Variants in ARSF observed in about 807,000 individuals in gnomAD.
The protein encoded by ARSF is arylsulfatase F.
Under a neutral mutation model 35.4 loss-of-function variants are expected in ARSF, and 33 were observed. That is an observed-to-expected ratio of 0.93 (90% confidence interval 0.71 to 1.25). The LOEUF (loss-of-function observed/expected upper bound fraction) is 1.25, where lower values mean the gene tolerates loss of function less well. Ranked by LOEUF, ARSF falls within the 50% of genes most tolerant of loss-of-function variation. The pLI, the probability that ARSF is intolerant of heterozygous loss-of-function variation, is 0.00. For synonymous variants in ARSF, 222 were observed against 193.1 expected, an observed-to-expected ratio of 1.15 and a Z score of -1.24; for missense variants, 501 against 480.2, an observed-to-expected ratio of 1.04 and a Z score of -0.40.
intron 4 of ARSF, among the ~76,000 whole-genome samples, chrX:3,080,220 A>C (rs1426914968): frequency 9.1e-6 from 1 of 110,202 alleles, no homozygotes. Context: ...TCATGCCTGT[A>C]ATCCCAGCAC....
rs1202085983 is a variant in ARSF, at chrX:3,080,903, G to C, written c.296G>C (p.Ser99Thr). Residue 99 changes from serine to threonine, a missense_variant, in exon 5 of 11, where the codon AGT becomes ACT. By Grantham distance (58) the Ser-to-Thr change is moderately conservative (BLOSUM62 1). Coordinates refer to ENST00000381127, the MANE Select transcript of ARSF (RefSeq NM_001201539.2). ...ACACTACATCTAGGTATGGTTTCTAGTGGTAATAGACGTGTCATCCAAAAT... is the reference window on the plus strand; with the variant it reads ...ACACTACATCTAGGTATGGTTTCTACTGGTAATAGACGTGTCATCCAAAAT... ...RYPIRSGMVS[S>T]GNRRVIQNLA... The C allele has an allele frequency of 1.7e-6, 2 of 1,211,434 alleles. No individual in the cohort carries two copies. The highest frequency in any genetic ancestry group is 3.5e-5 in the African/African-American group (2 of 57,816).
At chrX:3,093,751 C>A (rs1256959960) in intron 7 of ARSF, among the ~76,000 whole-genome samples, 1 of 111,674 alleles carries the variant, frequency 9.0e-6, no homozygotes, top group Admixed American at 9.6e-5. Context: ...TGGGTAGACA[C>A]CCAGTAATGG....
At chrX:3,093,030 G>T (rs767448009) in intron 7 of ARSF, among the ~76,000 whole-genome samples, 3 of 110,846 alleles carry the variant, frequency 2.7e-5, no homozygotes, top group South Asian at 3.8e-4. Context: ...CACATCCGTG[G>T]TGGCGGGCGT....
At chrX:3,109,356 T>A (rs971863164) in intron 9 of ARSF, among the ~76,000 whole-genome samples, 9 of 111,762 alleles carry the variant, frequency 8.1e-5, no homozygotes, top group African/African-American at 2.9e-4. Flanking sequence ...ATCTGGGATG[T>A]ATTATTATGT....
At chrX:3,070,860 A>C (rs1181717880) in intron 2 of ARSF, among the ~76,000 whole-genome samples, 1 of 111,104 alleles carries the variant, frequency 9.0e-6, no homozygotes, top group African/African-American at 3.3e-5. Flanking sequence ...CTTCACTTAG[A>C]ATAATTGTCT....
intron 6 of ARSF, 34 bp from the exon 7 acceptor site, chrX:3,089,462 A>C: frequency 8.3e-7 from 1 of 1,205,089 alleles, no homozygotes; most frequent in Non-Finnish European, 1.1e-6. Flanking sequence ...TAGATATTGA[A>C]AACTCACAAG....
chrX:3,083,638 T>G (rs191168223), intron 5 of ARSF, among the ~76,000 whole-genome samples: 25 of 111,661 alleles, frequency 2.2e-4, no homozygotes, highest in Admixed American at 1.3e-3. Flanking sequence ...TCTCTATTTA[T>G]CTAGCTAGCT....
chrX:3,056,801 T>C (rs1454418911), intron 1 of ARSF, among the ~76,000 whole-genome samples: 1 of 111,414 alleles, frequency 9.0e-6, no homozygotes, highest in Non-Finnish European at 1.9e-5. Context: ...CATTGACCTT[T>C]TTCTATGATT....
rs778118527 is a variant in ARSF, at chrX:3,068,084, G to GTATT, written c.-16_-13dup. ...GTCTTCTGCCAAAGACAACAAGAAG[G>GTATT]TATTCCAAGCTGCACAATGAGGCCC... On this transcript the variant is annotated 5_prime_UTR_variant, in exon 2 of 11. Transcript: ENST00000381127. 10 of 1,193,601 alleles carry GTATT rather than the reference G, an allele frequency of 8.4e-6. No individual in the cohort carries two copies. The African/African-American group carries it at 9.0e-5, about 11-fold the overall frequency.
In ARSF at chrX:3,112,571, C is replaced by T; in HGVS notation, c.*15C>T. On this transcript the variant is annotated 3_prime_UTR_variant, in exon 11 of 11. Coordinates refer to ENST00000381127, the MANE Select transcript of ARSF (RefSeq NM_001201539.2). ...AGAAGAGATAATTACAATCAGGCTA[C>T]CAGAGGAAGCCTTTGGTCCTAACGA... 3.4e-6 allele frequency: 4 copies of T among 1,183,586 alleles called. No homozygotes were observed. Among genetic ancestry groups the T allele is most frequent in the Non-Finnish European group, 3.4e-6 (3 of 883,402 alleles).
intron 7 of ARSF, among the ~76,000 whole-genome samples, chrX:3,093,597 T>G (rs1196119701): frequency 1.8e-5 from 2 of 112,430 alleles, no homozygotes; most frequent in East Asian, 5.6e-4. Flanking sequence ...TTTTGTTCTT[T>G]TTTATGGCTG....
In ARSF at chrX:3,112,726, C is replaced by T. The variant is rs2090456543; in HGVS notation, c.*170C>T. 1.4e-6 allele frequency: 1 copy of T among 723,579 alleles called. No homozygotes were observed. The highest frequency in any genetic ancestry group is 2.2e-5 in the African/African-American group (1 of 45,413). The allele number at this position is 723,579 out of a possible 1,213,427, so 59.6% of individuals were successfully genotyped here. On this transcript the variant is annotated 3_prime_UTR_variant, in exon 11 of 11. Coordinates refer to ENST00000381127, the MANE Select transcript of ARSF (RefSeq NM_001201539.2). ...ATTATTAAAGGCCCACTGGTTGTTCCACTTGCTGCTTTTTTTTGGATTCCT... is the reference window on the plus strand; with the variant it reads ...ATTATTAAAGGCCCACTGGTTGTTCTACTTGCTGCTTTTTTTTGGATTCCT...
intron 10 of ARSF, among the ~76,000 whole-genome samples, chrX:3,111,680 C>T (rs2090445933): frequency 9.1e-6 from 1 of 109,953 alleles, no homozygotes; most frequent in African/African-American, 3.3e-5. Context: ...ATTTATTGTG[C>T]ACTTTATTTC....
At chrX:3,075,628 GTCTC>G (rs911497624) in intron 3 of ARSF, among the ~76,000 whole-genome samples, 3 of 100,978 alleles carry the variant, frequency 3.0e-5, no homozygotes, top group African/African-American at 7.4e-5. Context: ...ATCTCTTTCT[GTCTC>G]TCTCTCTCCC....
At position 3,107,355 on chromosome X, in the gene ARSF, A is replaced by G. The variant is rs192675036; in HGVS notation, c.1266-2773A>G. On this transcript the variant is annotated intron_variant, in intron 9 of 10. Coordinates refer to ENST00000381127, the MANE Select transcript of ARSF (RefSeq NM_001201539.2). Reference sequence around the variant, plus strand: ...AAATGTCAATATCAAGTAAATAAACATGTGACCTCAGTCCATTAGTGGAGA... The same window carrying G: ...AAATGTCAATATCAAGTAAATAAACGTGTGACCTCAGTCCATTAGTGGAGA... Among the ~76,000 whole-genome samples, 774 of 111,630 alleles carry G rather than the reference A, an allele frequency of 6.9e-3. 7 individuals are homozygous for G. The highest frequency in any genetic ancestry group is 0.024 in the African/African-American group (726 of 30,810).
At position 3,112,612 on chromosome X, in the gene ARSF, A is replaced by G. The variant is rs1237751857; in HGVS notation, c.*56A>G. ...GTCCTAACGAGAAGAGATAATTACA[A>G]TCAGGCTACCAAAGGAAGCACTAAC... On this transcript the variant is annotated 3_prime_UTR_variant, in exon 11 of 11. Transcript: ENST00000381127. 1.1e-5 allele frequency: 12 copies of G among 1,131,016 alleles called. No individual in the cohort carries two copies. The highest frequency in any genetic ancestry group is 1.4e-5 in the Non-Finnish European group (12 of 858,546). 93.2% of individuals were successfully genotyped at this position (1,131,016 alleles called of 1,213,427 possible).
At chrX:3,104,133 T>C (rs1224213556) in intron 9 of ARSF, among the ~76,000 whole-genome samples, 1 of 111,886 alleles carries the variant, frequency 8.9e-6, no homozygotes, top group Non-Finnish European at 1.9e-5. Flanking sequence ...AATATACATA[T>C]ATAATTTACC....
intron 4 of ARSF, among the ~76,000 whole-genome samples, chrX:3,078,952 G>A (rs1437253206): frequency 9.1e-6 from 1 of 109,301 alleles, no homozygotes; most frequent in African/African-American, 3.3e-5. Flanking sequence ...CCCCCTTCTC[G>A]CAGCCCCCGG....
intron 1 of ARSF, among the ~76,000 whole-genome samples, chrX:3,055,802 T>C (rs2090015688): frequency 9.0e-6 from 1 of 111,639 alleles, no homozygotes; most frequent in African/African-American, 3.3e-5. Context: ...AGCTGCTTCA[T>C]AAGTACAACC....
Sources: allele counts gnomAD v4.1 joint callset (sites outside exome capture counted in the v4.1 genomes callset), GRCh38; gene constraint gnomAD v4.1.1; transcripts MANE v1.5; gene names NCBI Gene and HGNC (gene_info 2026-07-23, HGNC 2026-07-21).